Variants in FMO3 observed in about 807,000 individuals in gnomAD.
The protein encoded by FMO3 is flavin containing dimethylaniline monoxygenase 3.
In FMO3, 40 loss-of-function variants were observed where a neutral mutation model predicts 39.4. The observed-to-expected ratio is 1.02, with a 90% confidence interval of 0.79 to 1.32. The LOEUF (loss-of-function observed/expected upper bound fraction) is 1.32, where lower values mean the gene tolerates loss of function less well. Among genes scored for constraint, FMO3 ranks in the 40% most tolerant of loss-of-function variants. FMO3 has a pLI of 0.00. For synonymous variants in FMO3, 219 were observed against 228.8 expected, an observed-to-expected ratio of 0.96 and a Z score of 0.39; for missense variants, 680 against 651.8, an observed-to-expected ratio of 1.04 and a Z score of -0.47.
At chr1:171,109,754 C>T (rs1655821356) in intron 5 of FMO3, among the ~76,000 whole-genome samples, 1 of 151,936 alleles carries the variant, frequency 6.6e-6, no homozygotes, top group South Asian at 2.1e-4. Flanking sequence ...ATTGGCCAGG[C>T]TGGTCTTGAA....
At chr1:171,114,556 A>G (rs1656062397) in intron 7 of FMO3, among the ~76,000 whole-genome samples, 194 bp downstream of exon 7, 1 of 152,206 alleles carries the variant, frequency 6.6e-6, no homozygotes, top group South Asian at 2.1e-4. Context: ...AAATACTACA[A>G]GATATTATTA....
intron 2 of FMO3, among the ~76,000 whole-genome samples, chr1:171,094,704 C>A (rs1228793175): frequency 6.6e-6 from 1 of 152,104 alleles, no homozygotes; most frequent in African/African-American, 2.4e-5. Context: ...TGTCCTTTCC[C>A]CAGCATATGC....
chr1:171,093,357 G>C (rs2064076), intron 2 of FMO3, among the ~76,000 whole-genome samples: 5 of 151,726 alleles, frequency 3.3e-5, no homozygotes, highest in Non-Finnish European at 7.4e-5. Flanking sequence ...GCTCCCAATC[G>C]TAAGTGAGAG....
intron 2 of FMO3, among the ~76,000 whole-genome samples, chr1:171,098,604 G>T (rs1270433798): frequency 3.3e-5 from 5 of 151,928 alleles, no homozygotes; most frequent in East Asian, 1.9e-4. Flanking sequence ...CTGTTATTGG[G>T]GTATAAGAAT....
At position 171,107,951 on chromosome 1, in the gene FMO3, A is replaced by G. The variant is rs891217810; in HGVS notation, c.484+114A>G. Reference sequence around the variant, plus strand: ...TTAAATTAAAATATACTTCTGTTATATCTAATATGCTTGGTGTGTTAAAAT... The same window carrying G: ...TTAAATTAAAATATACTTCTGTTATGTCTAATATGCTTGGTGTGTTAAAAT... On this transcript the variant is annotated intron_variant, in intron 4 of 8. Coordinates refer to ENST00000367755, the MANE Select transcript of FMO3 (RefSeq NM_001002294.3). 23 of 1,351,242 alleles carry G rather than the reference A, an allele frequency of 1.7e-5. No homozygotes were observed. In the African/African-American group the frequency reaches 3.2e-4, roughly 19 times the overall value. 83.7% of individuals were successfully genotyped at this position (1,351,242 alleles called of 1,614,324 possible).
In FMO3 at chr1:171,107,638, C is replaced by G. The variant is rs775181706; in HGVS notation, c.322-37C>G. On this transcript the variant is annotated intron_variant, in intron 3 of 8. Coordinates refer to ENST00000367755, the MANE Select transcript of FMO3 (RefSeq NM_001002294.3). ...TGTATCTGCCAAAACCATTTGCTAG[C>G]ATAGAAAAGAGGGATTTCTTTCTGT... is the stretch of plus-strand genomic sequence containing the variant. The G allele has an allele frequency of 3.2e-5, 50 of 1,580,218 alleles. 5 individuals are homozygous for G. The Middle Eastern group carries it at 8.4e-3, about 266-fold the overall frequency.
chr1:171,107,472 C>T (rs1347707246), intron 3 of FMO3, among the ~76,000 whole-genome samples: 1 of 152,182 alleles, frequency 6.6e-6, no homozygotes, highest in Non-Finnish European at 1.5e-5. Flanking sequence ...CCAGAAGATA[C>T]TGGTTATGCA....
chr1:171,096,398 T>A (rs1182264882), intron 2 of FMO3, among the ~76,000 whole-genome samples: 24 of 101,818 alleles, frequency 2.4e-4, no homozygotes, highest in Non-Finnish European at 3.9e-4. Context: ...TATATATAAT[T>A]ACATATATAT....
At chr1:171,108,031 T>C (rs1655726921) in intron 4 of FMO3, 48 bp from the exon 5 acceptor site, 1 of 1,605,752 alleles carries the variant, frequency 6.2e-7, no homozygotes, top group Non-Finnish European at 8.5e-7. Context: ...AAAGTCTTTG[T>C]TTAAATATAT....
chr1:171,102,402 T>A (rs12072547), intron 2 of FMO3, among the ~76,000 whole-genome samples: 52,036 of 152,018 alleles, frequency 0.34, 9,615 homozygotes, highest in South Asian at 0.46. Flanking sequence ...AAACCAAGGC[T>A]CCACCTCTTC....
At position 171,092,773 on chromosome 1, in the gene FMO3, G is replaced by A. The variant is rs1654774076; in HGVS notation, c.115G>A (p.Gly39Ser). The A allele has an allele frequency of 6.2e-7, 1 of 1,613,926 alleles. No individual in the cohort carries two copies. Among genetic ancestry groups the A allele is most frequent in the South Asian group, 1.1e-5 (1 of 91,066 alleles). The change falls in exon 2 of 9, where the codon GGC becomes AGC. Residue 39 changes from glycine (G) to serine (S), a missense_variant. Physicochemically the swap from Gly to Ser is moderately conservative, Grantham distance 56. Transcript: ENST00000367755. ...TCFEKSNDIG[G>S]LWKFSDHAEE... ...CTTTGAGAAGAGCAATGACATTGGG[G>A]GCCTGTGGAAATTTTCAGTGAGTAG...
At chr1:171,109,526 CT>C (rs780479699) in intron 5 of FMO3, among the ~76,000 whole-genome samples, 656 of 58,952 alleles carry the variant, frequency 0.011, 3 homozygotes, top group African/African-American at 0.038. Context: ...TTAGTCTCTT[CT>C]TTTTTTTTTT....
intron 6 of FMO3, among the ~76,000 whole-genome samples, chr1:171,111,912 T>A (rs1655931464): frequency 6.6e-6 from 1 of 152,132 alleles, no homozygotes; most frequent in African/African-American, 2.4e-5. Flanking sequence ...CGATGTGTGC[T>A]TTGGGGAAGA....
chr1:171,096,765 T>C (rs1203301710), intron 2 of FMO3, among the ~76,000 whole-genome samples: 2 of 129,068 alleles, frequency 1.5e-5, no homozygotes, highest in Non-Finnish European at 1.6e-5. Context: ...TAAAAATATA[T>C]AATTAATATA....
Position 171,095,957 on chromosome 1 carries a change from ATTATATAT to A in FMO3, c.132+3173_132+3180del, listed in dbSNP as rs1434720256. The stretch of plus-strand genomic sequence containing the variant: ...ATATAATATATATTTATGTATTATA[ATTATATAT>A]TTATAATTATATAGATATATTTTAT... On this transcript the variant is annotated intron_variant, in intron 2 of 8. Coordinates refer to ENST00000367755, the MANE Select transcript of FMO3 (RefSeq NM_001002294.3). Among the ~76,000 whole-genome samples, 31 of 87,812 alleles carry A rather than the reference ATTATATAT, an allele frequency of 3.5e-4. No individual in the cohort carries two copies. The Admixed American group carries it at 4.3e-3, about 12-fold the overall frequency. 57.6% of individuals were successfully genotyped at this position (87,812 alleles called of 152,430 possible). A position where few individuals can be genotyped will look rare whatever the true frequency, so the allele number is the denominator to read the frequency against.
chr1:171,101,310 A>G (rs1655381896), intron 2 of FMO3: 1 of 434,166 alleles, frequency 2.3e-6, no homozygotes, highest in Non-Finnish European at 4.6e-6. Context: ...ACTTTGTGGT[A>G]ATTTATTACA....
chr1:171,107,530 A>T, intron 3 of FMO3, 145 bp from the exon 4 acceptor site: 2 of 679,894 alleles, frequency 2.9e-6, no homozygotes, highest in Non-Finnish European at 5.2e-6. Context: ...TAGTGTTTTG[A>T]TTTATTCTGA....
chr1:171,116,900 C>A (rs968845758), intron 8 of FMO3, among the ~76,000 whole-genome samples, 200 bp from the exon 9 acceptor site: 8 of 152,108 alleles, frequency 5.3e-5, no homozygotes, highest in African/African-American at 1.7e-4. Context: ...TTTAAAAAAA[C>A]CACAAAGTAG....
chr1:171,099,597 G>T (rs989705898), intron 2 of FMO3, among the ~76,000 whole-genome samples: 1 of 151,226 alleles, frequency 6.6e-6, no homozygotes, highest in Non-Finnish European at 1.5e-5. Flanking sequence ...TTTTACAAAT[G>T]AATTTGAAGC....
Sources: allele counts gnomAD v4.1 joint callset (sites outside exome capture counted in the v4.1 genomes callset), GRCh38; gene constraint gnomAD v4.1.1; transcripts MANE v1.5; gene names NCBI Gene and HGNC (gene_info 2026-07-23, HGNC 2026-07-21).